The following FREM1 variants were observed in gnomAD, a reference collection of about 807,000 sequenced individuals.
The protein encoded by FREM1 is FRAS1 related extracellular matrix 1, also known as FRAS1-related extracellular matrix protein 1.
FREM1 carries 220 observed loss-of-function variants against 210.1 expected under a neutral mutation model. The observed-to-expected ratio is 1.05, with a 90% CI of 0.94 to 1.17. The LOEUF is 1.17. Ranked by LOEUF, FREM1 falls within the 50% of genes most tolerant of loss-of-function variation. The pLI, the probability that FREM1 is intolerant of heterozygous loss-of-function variation, is 0.00. For synonymous variants in FREM1, 1,189 were observed against 980.2 expected (o/e 1.21, Z -3.98); for missense variants, 3,454 against 2,675.5 (o/e 1.29, Z -6.42).
Position 14,824,913 on chromosome 9 carries a change from T to C in FREM1, c.1961A>G (p.Lys654Arg). Reference protein sequence around the residue: ...APGVSRHLVVKETEVAYITKK... With the variant: ...APGVSRHLVVRETEVAYITKK... The stretch of plus-strand genomic sequence containing the variant: ...AGTTATATAGGCCACCTCAGTTTCC[T>C]TGACAACCAAATGCCGAGAAACTCC... The change falls in exon 11 of 37, where the codon AAG becomes AGG. Residue 654 changes from lysine (K) to arginine (R), a missense_variant. Transcript: ENST00000380880. The C allele has an allele frequency of 6.2e-7, 1 of 1,611,348 alleles. No homozygotes were observed. Among genetic ancestry groups the C allele is most frequent in the Non-Finnish European group, 8.5e-7 (1 of 1,179,136 alleles).
intron 1 of FREM1, among the ~76,000 whole-genome samples, chr9:14,894,652 T>G (rs537294422): frequency 6.6e-6 from 1 of 152,228 alleles, no homozygotes; most frequent in Non-Finnish European, 1.5e-5. Context: ...TGTTTTGTTT[T>G]TTTAGAACCA....
chr9:14,842,257 G>T, intron 9 of FREM1, 59 bp downstream of exon 9: 2 of 1,092,640 alleles, frequency 1.8e-6, no homozygotes, highest in Non-Finnish European at 1.3e-6. Context: ...AGGATGCATA[G>T]AAGGTTCTCT....
chr9:14,746,129 A>C (rs1027373698), intron 35 of FREM1, among the ~76,000 whole-genome samples: 2 of 152,172 alleles, frequency 1.3e-5, no homozygotes, highest in Non-Finnish European at 2.9e-5. Context: ...TGCAAAAGTA[A>C]TGGCAAAAAC....
In FREM1 at chr9:14,836,972, G is replaced by A. The variant is rs10961748; in HGVS notation, c.1881+4475C>T. Among the ~76,000 whole-genome samples the A allele has an allele frequency of 9.4e-4, 143 of 152,268 alleles. 2 individuals carry two copies. In the East Asian group the frequency reaches 0.024, roughly 26 times the overall value. On this transcript the variant is annotated intron_variant, in intron 10 of 36. Transcript: ENST00000380880. The surrounding 1 kb of genome is among the most constrained non-coding windows in gnomAD (Gnocchi z 4.9). Reference sequence around the variant, plus strand: ...AGTTTTCGTCTTTTAAAGCATATCCGGAAAAGTTTCTTGTAAAGCCCCAGC... The same window carrying A: ...AGTTTTCGTCTTTTAAAGCATATCCAGAAAAGTTTCTTGTAAAGCCCCAGC...
In FREM1 at chr9:14,775,891, G is replaced by C. The variant is rs1470171308; in HGVS notation, c.4755C>G (p.Asp1585Glu). ...TGAAAGTAAAGCAGTCAGTCTGGGA[G>C]TCCCCTCCTGAGTGCCGATAGGCCA... ...KNVAYRHSGG[D>E]SQTDCFTFMA... The change falls in exon 25 of 37, where the codon GAC becomes GAG. Residue 1585 changes from aspartate (D) to glutamate (E), a missense_variant. Transcript: ENST00000380880. 1 of 1,613,840 alleles carries C rather than the reference G, an allele frequency of 6.2e-7. No individual in the cohort carries two copies. Among genetic ancestry groups the C allele is most frequent in the African/African-American group, 1.3e-5 (1 of 75,034 alleles).
chr9:14,860,919 A>G lies in FREM1; in HGVS notation c.330-1435T>C, dbSNP rs1389036227. Among the ~76,000 whole-genome samples the G allele has an allele frequency of 1.7e-5, 2 of 118,764 alleles. 1 individual carries two copies. The highest frequency in any genetic ancestry group is 3.1e-5 in the Non-Finnish European group (2 of 63,704). The allele number at this position is 118,764 out of a possible 152,430, so 77.9% of individuals were successfully genotyped here. A position where few individuals can be genotyped will look rare whatever the true frequency, so the allele number is the denominator to read the frequency against. ...CATATATACACATATACACATATAC[A>G]CATATATACACATATACACACATAT... is the stretch of plus-strand genomic sequence containing the variant. On this transcript the variant is annotated intron_variant, in intron 3 of 36. Coordinates refer to ENST00000380880, the MANE Select transcript of FREM1 (RefSeq NM_001379081.2).
chr9:14,885,143 C>T lies in FREM1; in HGVS notation c.-267-15899G>A, dbSNP rs1835577786. ...GTTTCACCGTGTTAGCCAGAATGGT[C>T]TCGATCTCCTGAGCTCGTGATCCAC... On this transcript the variant is annotated intron_variant, in intron 1 of 36. Coordinates refer to ENST00000380880, the MANE Select transcript of FREM1 (RefSeq NM_001379081.2). 2.6e-5 allele frequency among the ~76,000 whole-genome samples: 4 copies of T among 151,698 alleles called. No homozygotes were observed. The South Asian group carries it at 8.3e-4, about 32-fold the overall frequency.
Position 14,859,431 on chromosome 9 carries a change from A to G in FREM1, c.383T>C (p.Leu128Pro), listed in dbSNP as rs1299897341. ...ATGGATGATGTTACAGTCTGGTTCC[A>G]GGAGATAGACCCACAGGATAAAAGT... ...IETFILWVYL[L>P]EPDCNIIHMS... Residue 128 changes from leucine (L) to proline (P), a missense_variant, in exon 4 of 37, where the codon CTG becomes CCG. Physicochemically the swap from Leu to Pro is moderately conservative, Grantham distance 98 (BLOSUM62 -3). Transcript: ENST00000380880. The G allele has an allele frequency of 6.2e-7, 1 of 1,613,948 alleles. No individual in the cohort carries two copies. Among genetic ancestry groups the G allele is most frequent in the East Asian group, 2.2e-5 (1 of 44,882 alleles).
intron 28 of FREM1, 80 bp from the exon 29 acceptor site, chr9:14,756,526 G>C: frequency 3.1e-6 from 3 of 962,522 alleles, no homozygotes; most frequent in Non-Finnish European, 4.7e-6. Context: ...CCTCATACTG[G>C]ACTAAACTCA....
chr9:14,737,683 C>T lies in FREM1; in HGVS notation c.6341-88G>A, dbSNP rs184318034. The stretch of plus-strand genomic sequence containing the variant: ...CAGCTGTTGCTCTAAGCTCAGTTAT[C>T]ACATGCAAGTGTGGGCCCAGGTTCT... On this transcript the variant is annotated intron_variant, in intron 36 of 36. Coordinates refer to ENST00000380880, the MANE Select transcript of FREM1 (RefSeq NM_001379081.2). 8.9e-5 allele frequency: 97 copies of T among 1,094,896 alleles called. No homozygotes were observed. The East Asian group carries it at 1.5e-3, about 17-fold the overall frequency. 67.8% of individuals were successfully genotyped at this position (1,094,896 alleles called of 1,614,324 possible). A position where few individuals can be genotyped will look rare whatever the true frequency, so the allele number is the denominator to read the frequency against.
chr9:14,886,608 T>C (rs569502531), intron 1 of FREM1, among the ~76,000 whole-genome samples: 2 of 151,670 alleles, frequency 1.3e-5, no homozygotes, highest in Admixed American at 6.6e-5. Flanking sequence ...AAGTTATCAA[T>C]AGAATGTACA....
chr9:14,776,002 C>T lies in FREM1; in HGVS notation c.4644G>A (p.Gln1548=), dbSNP rs373755380. The T allele has an allele frequency of 3.2e-5, 51 of 1,613,860 alleles. No individual in the cohort carries two copies. The African/African-American group carries it at 6.3e-4, about 20-fold the overall frequency. The change falls in exon 25 of 37, where the codon CAG becomes CAA. Residue 1548 remains glutamine, a synonymous_variant. Coordinates refer to ENST00000380880, the MANE Select transcript of FREM1 (RefSeq NM_001379081.2). ...GGTAGAGCTGGCCATGCTGGGGGAGCTGAACCAAGAGGAAGGTGAGGTTCT... is the reference window on the plus strand; with the variant it reads ...GGTAGAGCTGGCCATGCTGGGGGAGTTGAACCAAGAGGAAGGTGAGGTTCT... ...PAENLTFLLV[Q]LPQHGQLYLW...
rs1028253660 is a variant in FREM1, at chr9:14,769,586, T to C, written c.5204+138A>G. 9 of 920,170 alleles carry C rather than the reference T, an allele frequency of 9.8e-6. No individual in the cohort carries two copies. The African/African-American group carries it at 1.4e-4, about 14-fold the overall frequency. The allele number at this position is 920,170 out of a possible 1,614,324, so 57.0% of individuals were successfully genotyped here. ...TAAAAAGAAAATTCATTCTCCAAAATAAATTCCATGAGCTTGTGAAATGGT... is the reference window on the plus strand; with the variant it reads ...TAAAAAGAAAATTCATTCTCCAAAACAAATTCCATGAGCTTGTGAAATGGT... On this transcript the variant is annotated intron_variant, in intron 27 of 36. Coordinates refer to ENST00000380880, the MANE Select transcript of FREM1 (RefSeq NM_001379081.2).
intron 24 of FREM1, among the ~76,000 whole-genome samples, chr9:14,783,625 C>T (rs12683551): frequency 0.15 from 23,215 of 152,164 alleles, 1,959 homozygotes; most frequent in African/African-American, 0.17. Flanking sequence ...TTGAGAGCTG[C>T]GAGATTATAG....
intron 36 of FREM1, among the ~76,000 whole-genome samples, chr9:14,738,881 G>A (rs1407170192): frequency 5.3e-5 from 8 of 151,540 alleles, no homozygotes; most frequent in Non-Finnish European, 1.2e-4. Context: ...GTGGTAGTGG[G>A]CACCTGTAAT....
At chr9:14,900,207 A>G (rs1266654376) in intron 1 of FREM1, among the ~76,000 whole-genome samples, 1 of 152,148 alleles carries the variant, frequency 6.6e-6, no homozygotes, top group African/African-American at 2.4e-5. Context: ...TCAGCTTCAT[A>G]TTACCATCAC....
At chr9:14,854,462 C>G (rs769363074) in intron 5 of FREM1, among the ~76,000 whole-genome samples, 5 of 151,938 alleles carry the variant, frequency 3.3e-5, no homozygotes, top group Non-Finnish European at 7.4e-5. Context: ...ATGGAAAAAG[C>G]AGAGAGACCA....
intron 27 of FREM1, among the ~76,000 whole-genome samples, chr9:14,763,441 G>C (rs577332304): frequency 7.2e-4 from 110 of 152,268 alleles, no homozygotes; most frequent in African/African-American, 2.5e-3. Context: ...GTTGCAGTGA[G>C]CCGAGATCAT....
At chr9:14,902,995 T>G (rs1055112205) in intron 1 of FREM1, among the ~76,000 whole-genome samples, 1 of 152,264 alleles carries the variant, frequency 6.6e-6, no homozygotes. Context: ...TACTATTTAA[T>G]GTAATCAAAT....
Sources: gnomAD v4.1 joint callset for allele counts (sites outside exome capture counted in the v4.1 genomes callset) on GRCh38, gnomAD v4.1.1 for gene constraint, Gnocchi (gnomAD v3.1) non-coding constraint, MANE v1.5 for transcripts, NCBI Gene and HGNC (gene_info 2026-07-23, HGNC 2026-07-21) for gene names.